The following PRELID2 variants were observed in gnomAD, a reference collection of about 807,000 sequenced individuals.
The protein encoded by PRELID2 is PRELI domain containing 2, also known as PRELI domain-containing protein 2.
A neutral mutation model predicts 28.4 loss-of-function variants in PRELID2; 25 were observed. The observed-to-expected ratio is 0.88, with a 90% CI of 0.64 to 1.23. The LOEUF (loss-of-function observed/expected upper bound fraction) is 1.23, where lower values mean the gene tolerates loss of function less well. Ranked by LOEUF, PRELID2 falls within the 50% of genes most tolerant of loss-of-function variation. The pLI, the probability that PRELID2 is intolerant of heterozygous loss-of-function variation, is 0.00. For missense variants in PRELID2, 201 were observed against 214.4 expected (o/e 0.94, Z 0.39); for synonymous variants, 76 against 71.6 (o/e 1.06, Z -0.31).
chr5:145,704,785 T>C (rs1027356636), intron 1 of PRELID2, among the ~76,000 whole-genome samples: 11 of 152,150 alleles, frequency 7.2e-5, no homozygotes. Flanking sequence ...CGAAAGGGAA[T>C]ATAGTCTCCT....
intron 5 of PRELID2, among the ~76,000 whole-genome samples, chr5:145,781,741 T>G (rs1751639478): frequency 6.8e-6 from 1 of 146,098 alleles, no homozygotes; most frequent in Non-Finnish European, 1.5e-5. Context: ...ACTATATATA[T>G]ACTATATCTA....
chr5:145,371,103 A>T, the PRELID2 span, among the ~76,000 whole-genome samples: 2 of 151,948 alleles, frequency 1.3e-5, no homozygotes, highest in Admixed American at 6.6e-5. Flanking sequence ...AATACCCTTT[A>T]TTTCTTTCTC....
chr5:145,529,263 C>G (rs763138467), intron 1 of PRELID2, among the ~76,000 whole-genome samples: 1 of 152,156 alleles, frequency 6.6e-6, no homozygotes, highest in Non-Finnish European at 1.5e-5. Flanking sequence ...CAAAGGCAAT[C>G]ATACTGAATT....
intron 1 of PRELID2, among the ~76,000 whole-genome samples, chr5:145,512,965 A>T (rs1479186900): frequency 2.6e-5 from 4 of 152,112 alleles, no homozygotes; most frequent in Non-Finnish European, 4.4e-5. Flanking sequence ...ACGTCCACAC[A>T]AAAACCCCAT....
the PRELID2 span, among the ~76,000 whole-genome samples, chr5:145,314,201 C>G: frequency 6.6e-6 from 1 of 152,208 alleles, no homozygotes; most frequent in Non-Finnish European, 1.5e-5. Flanking sequence ...AGCAATGGTG[C>G]TGGAACTGAA....
At chr5:145,229,231 A>C in the PRELID2 span, 5 of 778,870 alleles carry the variant, frequency 6.4e-6, no homozygotes, top group South Asian at 5.4e-5. Flanking sequence ...CCCCAGATGA[A>C]GGTCCCTGGA....
intron 1 of PRELID2, among the ~76,000 whole-genome samples, chr5:145,609,667 C>A (rs1753583643): frequency 6.6e-6 from 1 of 152,220 alleles, no homozygotes; most frequent in Admixed American, 6.5e-5. Context: ...AGTGGGGTCA[C>A]CCACCTTGCC....
the PRELID2 span, among the ~76,000 whole-genome samples, chr5:145,313,714 A>C: frequency 6.6e-6 from 1 of 152,272 alleles, no homozygotes; most frequent in African/African-American, 2.4e-5. Flanking sequence ...ATTCTGAGGA[A>C]TGTTTCTCTT....
At chr5:145,559,098 C>A (rs1752904544) in intron 1 of PRELID2, among the ~76,000 whole-genome samples, 1 of 151,654 alleles carries the variant, frequency 6.6e-6, no homozygotes, top group African/African-American at 2.4e-5. Context: ...ACTAAAAATA[C>A]AAAAAAATTA....
intron 1 of PRELID2, among the ~76,000 whole-genome samples, chr5:145,529,492 C>T (rs116779707): frequency 1.4e-3 from 214 of 152,212 alleles, no homozygotes; most frequent in Non-Finnish European, 2.8e-3. Flanking sequence ...TGTACATTAT[C>T]CCATTTGAAT....
chr5:145,483,753 G>C (rs1241128765), intron 1 of PRELID2, among the ~76,000 whole-genome samples: 1 of 152,188 alleles, frequency 6.6e-6, no homozygotes, highest in African/African-American at 2.4e-5. Context: ...CTACGGAGTT[G>C]AAAACCTATG....
Position 145,723,404 on chromosome 5 carries a change from T to C in PRELID2, n.70+41527A>G, listed in dbSNP as rs563192335. 3.9e-5 allele frequency among the ~76,000 whole-genome samples: 6 copies of C among 152,214 alleles called. No homozygotes were observed. The East Asian group carries it at 1.2e-3, about 29-fold the overall frequency. On this transcript the variant is annotated intron_variant and non_coding_transcript_variant, in intron 1 of 2. Coordinates refer to the PRELID2 transcript ENST00000510259. Reference sequence around the variant, plus strand: ...TAGAGAGGTCTGTACAAAGGAGTAATTACATGGAGATGGGATTATTGAGAC... The same window carrying C: ...TAGAGAGGTCTGTACAAAGGAGTAACTACATGGAGATGGGATTATTGAGAC...
intron 1 of PRELID2, among the ~76,000 whole-genome samples, chr5:145,734,101 C>A (rs1328427819): frequency 1.3e-5 from 2 of 152,130 alleles, no homozygotes; most frequent in Non-Finnish European, 2.9e-5. Flanking sequence ...GAATGCATCC[C>A]TGCCAACATC....
intron 1 of PRELID2, among the ~76,000 whole-genome samples, chr5:145,499,494 A>G (rs1752339197): frequency 1.3e-5 from 2 of 152,186 alleles, no homozygotes; most frequent in African/African-American, 4.8e-5. Context: ...AGAAATTCTC[A>G]ATGTGCTCCA....
intron 1 of PRELID2, among the ~76,000 whole-genome samples, chr5:145,700,693 C>G (rs936805524): frequency 6.6e-6 from 1 of 152,148 alleles, no homozygotes; most frequent in African/African-American, 2.4e-5. Flanking sequence ...CACGCTCCCT[C>G]TATGTATTCG....
At chr5:145,443,720 G>A in the PRELID2 span, among the ~76,000 whole-genome samples, 45 of 152,080 alleles carry the variant, frequency 3.0e-4, no homozygotes, top group African/African-American at 9.2e-4. Flanking sequence ...CAAAAATGCC[G>A]TCAGCACAAC....
the PRELID2 span, among the ~76,000 whole-genome samples, chr5:145,388,114 G>T: frequency 2.0e-5 from 3 of 152,088 alleles, no homozygotes; most frequent in Non-Finnish European, 2.9e-5. Flanking sequence ...AACATTACAA[G>T]AACCTATCAC....
At chr5:145,520,032 C>T (rs928910556) in intron 1 of PRELID2, among the ~76,000 whole-genome samples, 17 of 152,084 alleles carry the variant, frequency 1.1e-4, no homozygotes, top group African/African-American at 3.4e-4. Context: ...GTCAGGATTC[C>T]GACCAATTTG....
intron 3 of PRELID2, among the ~76,000 whole-genome samples, chr5:145,818,955 T>C (rs1442490146): frequency 6.6e-6 from 1 of 152,152 alleles, no homozygotes; most frequent in Non-Finnish European, 1.5e-5. Context: ...GGTAACTGAA[T>C]CACGGGGGCG....
Sources: allele counts gnomAD v4.1 joint callset (sites outside exome capture counted in the v4.1 genomes callset), GRCh38; gene constraint gnomAD v4.1.1; transcripts MANE v1.5; gene names NCBI Gene and HGNC (gene_info 2026-07-23, HGNC 2026-07-21).